Variants in CCDC40 observed in about 807,000 individuals in gnomAD.
The protein encoded by CCDC40 is coiled-coil domain 40 molecular ruler complex subunit.
CCDC40 carries 104 observed loss-of-function variants against 124.5 expected under a neutral mutation model. The observed-to-expected ratio is 0.84, with a 90% CI of 0.71 to 0.98. The LOEUF (loss-of-function observed/expected upper bound fraction) is 0.98, where lower values mean the gene tolerates loss of function less well. Ranked by LOEUF, CCDC40 falls within the 50% of genes least tolerant of loss-of-function variation. The pLI is 0.00. For missense variants in CCDC40, 1,463 were observed against 1,503.9 expected (o/e 0.97, Z 0.45); for synonymous variants, 580 against 602.9 (o/e 0.96, Z 0.56).
chr17:80,041,085 A>G (rs540472424), intron 3 of CCDC40, among the ~76,000 whole-genome samples: 18 of 152,356 alleles, frequency 1.2e-4, no homozygotes, highest in South Asian at 1.0e-3. Flanking sequence ...AGTTACAGAA[A>G]AAAATGGAGT....
intron 1 of CCDC40, among the ~76,000 whole-genome samples, chr17:80,037,279 G>A (rs574419300): frequency 6.6e-6 from 1 of 152,330 alleles, no homozygotes; most frequent in Non-Finnish European, 1.5e-5. Flanking sequence ...CGCGCACAGG[G>A]AGGGCGGCTG....
rs142794068 is a variant in CCDC40 at position 80,056,357 on chromosome 17, C to T, written c.1160-2137C>T. On this transcript the variant is annotated intron_variant, in intron 7 of 19. Transcript: ENST00000397545. ...ACCTCGGGCCAGGTGCGGAGGCTCA[C>T]GCCTGTAGTGTTGACACTTTGGGAG... Among the ~76,000 whole-genome samples the T allele has an allele frequency of 3.5e-3, 529 of 152,194 alleles. 1 individual carries two copies. Among genetic ancestry groups the T allele is most frequent in the African/African-American group, 0.012 (504 of 41,538 alleles).
At chr17:80,054,085 T>C (rs545442240) in intron 7 of CCDC40, among the ~76,000 whole-genome samples, 20 of 151,782 alleles carry the variant, frequency 1.3e-4, no homozygotes, top group African/African-American at 4.6e-4. Context: ...AGCAGAAAAA[T>C]AAACCAATAA....
At position 80,087,898 on chromosome 17, in the gene CCDC40, A is replaced by G. The variant is rs2038622038; in HGVS notation, c.2620-113A>G. The G allele has an allele frequency of 1.6e-6, 2 of 1,276,112 alleles. No homozygotes were observed. Among genetic ancestry groups the G allele is most frequent in the Non-Finnish European group, 2.3e-6 (2 of 873,848 alleles). The allele number at this position is 1,276,112 out of a possible 1,614,324, so 79.0% of individuals were successfully genotyped here. ...ACCCGTTCAAGATGCTTGTAGGGGT[A>G]TTAGAAATCCAGCCTGCAGCCCTGC... On this transcript the variant is annotated intron_variant, in intron 15 of 19. Transcript: ENST00000397545. This position sits in a 1 kb window ranked among gnomAD's most constrained non-coding sequence, Gnocchi z 4.5.
chr17:80,062,366 C>T (rs887829415), intron 9 of CCDC40, among the ~76,000 whole-genome samples: 4 of 152,028 alleles, frequency 2.6e-5, no homozygotes, highest in African/African-American at 9.7e-5. Flanking sequence ...AGGTTTGTTA[C>T]ATATGTATAC....
At chr17:80,081,141 G>A (rs1376148028) in intron 10 of CCDC40, among the ~76,000 whole-genome samples, 1 of 152,078 alleles carries the variant, frequency 6.6e-6, no homozygotes, top group Non-Finnish European at 1.5e-5. Flanking sequence ...CCAGCACTTT[G>A]GGAGGCCAAG....
chr17:80,094,670 G>A (rs1404267181), intron 17 of CCDC40, among the ~76,000 whole-genome samples: 1 of 152,138 alleles, frequency 6.6e-6, no homozygotes. Flanking sequence ...ACTCCAGCCT[G>A]GTGACAGAGC....
chr17:80,048,009 G>A (rs144115283), intron 4 of CCDC40, among the ~76,000 whole-genome samples: 269 of 152,324 alleles, frequency 1.8e-3, no homozygotes, highest in African/African-American at 6.2e-3. Flanking sequence ...GGTGGCTCAC[G>A]CCTGGAATCC....
At chr17:80,053,162 A>G (rs2037649348) in intron 7 of CCDC40, among the ~76,000 whole-genome samples, 1 of 152,244 alleles carries the variant, frequency 6.6e-6, no homozygotes, top group African/African-American at 2.4e-5. Context: ...TGAGTTCAGG[A>G]AAGACGAATC....
In CCDC40 at chr17:80,044,710, AAAAAAAAT is replaced by A. The variant is rs1568671590; in HGVS notation, c.553-2567_553-2560del. Among the ~76,000 whole-genome samples the A allele has an allele frequency of 7.4e-3, 876 of 118,744 alleles. 27 individuals are homozygous for A. The highest frequency in any genetic ancestry group is 0.028 in the African/African-American group (675 of 23,988). 77.9% of individuals were successfully genotyped at this position (118,744 alleles called of 152,430 possible). ...AAACAAAACAAAACAAACAAACAAA[AAAAAAAAT>A]ATATATATATATATATATATCTCAA... On this transcript the variant is annotated intron_variant, in intron 3 of 19. Coordinates refer to ENST00000397545, the MANE Select transcript of CCDC40 (RefSeq NM_017950.4).
chr17:80,068,499 C>T (rs550291406), intron 10 of CCDC40, among the ~76,000 whole-genome samples: 1 of 152,292 alleles, frequency 6.6e-6, no homozygotes, highest in East Asian at 1.9e-4. Context: ...TTAGGACTTC[C>T]AAGCTAGGAG....
At chr17:80,079,669 C>T (rs549518630) in intron 10 of CCDC40, among the ~76,000 whole-genome samples, 1 of 152,016 alleles carries the variant, frequency 6.6e-6, no homozygotes, top group African/African-American at 2.4e-5. Flanking sequence ...TGCCTGTAAT[C>T]CCATCACTTT....
intron 4 of CCDC40, 119 bp downstream of exon 4, chr17:80,047,521 T>C (rs1188074511): frequency 7.5e-6 from 8 of 1,065,092 alleles, no homozygotes; most frequent in Non-Finnish European, 1.1e-5. Context: ...GGCTGTGAGC[T>C]GAAAGAGAAA....
intron 9 of CCDC40, among the ~76,000 whole-genome samples, chr17:80,063,705 G>T (rs1306103760): frequency 6.6e-6 from 1 of 152,164 alleles, no homozygotes; most frequent in Admixed American, 6.5e-5. Flanking sequence ...GCACCCCCAT[G>T]GCCAGGCTGG....
rs1383150806 is a variant in CCDC40 at position 80,086,625 on chromosome 17, G to T, written c.2449+409G>T. ...GGGCTTAGAAAACCATTCCACCGGGGCTCCCCAACCCTTCTGAGGCCCAAG... is the reference window on the plus strand; with the variant it reads ...GGGCTTAGAAAACCATTCCACCGGGTCTCCCCAACCCTTCTGAGGCCCAAG... On this transcript the variant is annotated intron_variant, in intron 14 of 19. Transcript: ENST00000397545. The surrounding 1 kb of genome is among the most constrained non-coding windows in gnomAD (Gnocchi z 5.5). 2.2e-5 allele frequency: 6 copies of T among 273,952 alleles called. No individual in the cohort carries two copies. Among genetic ancestry groups the T allele is most frequent in the Admixed American group, 1.5e-4 (3 of 19,704 alleles). The allele number at this position is 273,952 out of a possible 1,614,324, so 17.0% of individuals were successfully genotyped here.
At chr17:80,076,724 G>A (rs1258206565) in intron 10 of CCDC40, among the ~76,000 whole-genome samples, 2 of 151,692 alleles carry the variant, frequency 1.3e-5, no homozygotes, top group Non-Finnish European at 2.9e-5. Flanking sequence ...GTGATTGTTA[G>A]CATTTTTTAG....
chr17:80,089,550 T>TCCCCCCCC, intron 16 of CCDC40: 1 of 305,588 alleles, frequency 3.3e-6, no homozygotes, highest in South Asian at 2.5e-5. Context: ...CACCCCCATC[T>TCCCCCCCC]CCCTCCCTCC....
intron 18 of CCDC40, 134 bp from the exon 19 acceptor site, chr17:80,097,111 C>T: frequency 2.1e-6 from 2 of 974,694 alleles, no homozygotes; most frequent in Non-Finnish European, 1.6e-6. Flanking sequence ...CTCTCCAGCC[C>T]TCCCATTCCT....
chr17:80,069,606 C>A (rs2091376227), intron 10 of CCDC40, among the ~76,000 whole-genome samples: 1 of 152,092 alleles, frequency 6.6e-6, no homozygotes, highest in South Asian at 2.1e-4. Flanking sequence ...AAAAAAACAG[C>A]CAGACCTGGT....
Sources: allele counts gnomAD v4.1 joint callset (sites outside exome capture counted in the v4.1 genomes callset), GRCh38; gene constraint gnomAD v4.1.1; non-coding constraint Gnocchi (gnomAD v3.1); transcripts MANE v1.5; gene names NCBI Gene and HGNC (gene_info 2026-07-23, HGNC 2026-07-21).